Variants in PCDH9 observed in about 807,000 individuals in gnomAD.
The protein encoded by PCDH9 is protocadherin-9.
Under a neutral mutation model 70.6 loss-of-function variants are expected in PCDH9, and 24 were observed. The ratio of observed to expected loss-of-function variants is 0.34; its 90% CI spans 0.25 to 0.48. The LOEUF (loss-of-function observed/expected upper bound fraction) is 0.48, where lower values mean the gene tolerates loss of function less well. PCDH9 is among the 20% of genes least tolerant of loss of function. The pLI, the probability that PCDH9 is intolerant of heterozygous loss-of-function variation, is 0.99. For synonymous variants in PCDH9, 562 were observed against 558.5 expected (o/e 1.01, Z -0.09); for missense variants, 1,281 against 1,503.6 (o/e 0.85, Z 2.45).
chr13:67,154,595 A>AC (rs1206022574), intron 2 of PCDH9, among the ~76,000 whole-genome samples: 2 of 88,990 alleles, frequency 2.2e-5, no homozygotes, highest in South Asian at 3.6e-4. Flanking sequence ...AAAAAAAAAA[A>AC]ATATATATAT....
chr13:66,720,857 A>G lies in PCDH9; in HGVS notation c.3139-89446T>C, dbSNP rs138906342. Among the ~76,000 whole-genome samples the G allele has an allele frequency of 3.0e-3, 460 of 152,288 alleles. 2 individuals carry two copies. Among genetic ancestry groups the G allele is most frequent in the African/African-American group, 0.01 (435 of 41,552 alleles). ...TAAAGAATATAATAGGAACTTGATA[A>G]TTGTATAGTCTGGGTCCAAAAATCC... On this transcript the variant is annotated intron_variant, in intron 3 of 4. Coordinates refer to ENST00000377865, the MANE Select transcript of PCDH9 (RefSeq NM_203487.3).
chr13:66,375,744 G>A (rs977472283), intron 4 of PCDH9, among the ~76,000 whole-genome samples: 4 of 151,996 alleles, frequency 2.6e-5, no homozygotes, highest in Admixed American at 2.0e-4. Flanking sequence ...CTGAATAAGT[G>A]TATTACTTTA....
At chr13:67,135,934 G>C (rs1337723486) in intron 2 of PCDH9, among the ~76,000 whole-genome samples, 3 of 151,912 alleles carry the variant, frequency 2.0e-5, no homozygotes, top group African/African-American at 4.8e-5. Flanking sequence ...AAGCAAGAAA[G>C]GGTCTCTCTG....
At chr13:67,220,345 C>T (rs1490164703) in intron 2 of PCDH9, 1 of 151,740 alleles carries the variant, frequency 6.6e-6, no homozygotes, top group Non-Finnish European at 1.5e-5. Context: ...TTACACACAT[C>T]AATATGAAAA....
At chr13:66,861,343 C>T (rs2081481161) in intron 3 of PCDH9, among the ~76,000 whole-genome samples, 1 of 152,156 alleles carries the variant, frequency 6.6e-6, no homozygotes, top group African/African-American at 2.4e-5. Context: ...ATTGCAGTGT[C>T]TAAGGAACAA....
intron 4 of PCDH9, among the ~76,000 whole-genome samples, chr13:66,426,758 G>T (rs1305701174): frequency 1.3e-5 from 2 of 151,496 alleles, no homozygotes; most frequent in Non-Finnish European, 3.0e-5. Context: ...AAGGAAACAT[G>T]CATCCTTTAC....
intron 4 of PCDH9, among the ~76,000 whole-genome samples, chr13:66,435,399 C>G (rs992651856): frequency 1.3e-5 from 2 of 151,982 alleles, no homozygotes; most frequent in Non-Finnish European, 2.9e-5. Flanking sequence ...TGGAGACTAC[C>G]AGGGTTTTAT....
chr13:66,868,011 ATAT>A (rs1000407187), intron 3 of PCDH9, among the ~76,000 whole-genome samples: 3 of 152,002 alleles, frequency 2.0e-5, no homozygotes, highest in Non-Finnish European at 4.4e-5. Context: ...GCTGAAATGT[ATAT>A]TATTTAAATA....
At chr13:66,402,128 A>T (rs1957199033) in intron 4 of PCDH9, among the ~76,000 whole-genome samples, 2 of 152,060 alleles carry the variant, frequency 1.3e-5, no homozygotes, top group Admixed American at 6.6e-5. Flanking sequence ...TTTCTCACAG[A>T]TGGCTTTCTG....
At chr13:66,898,862 G>A (rs1046694700) in intron 3 of PCDH9, among the ~76,000 whole-genome samples, 5 of 151,872 alleles carry the variant, frequency 3.3e-5, no homozygotes, top group African/African-American at 4.8e-5. Context: ...ACTGAGCCCC[G>A]TTGTACTCTA....
At chr13:66,416,861 T>A (rs1957469385) in intron 4 of PCDH9, among the ~76,000 whole-genome samples, 2 of 152,044 alleles carry the variant, frequency 1.3e-5, no homozygotes, top group Non-Finnish European at 2.9e-5. Flanking sequence ...AGGAGACACA[T>A]CCTGAGAAAA....
chr13:66,380,465 T>C (rs1025167944), intron 4 of PCDH9, among the ~76,000 whole-genome samples: 3 of 151,096 alleles, frequency 2.0e-5, no homozygotes, highest in Admixed American at 1.3e-4. Flanking sequence ...CCATGGTGAA[T>C]TGACATTGTA....
At position 67,073,140 on chromosome 13, in the gene PCDH9, T is replaced by C. The variant is rs144076359; in HGVS notation, c.3036+152265A>G. 5.9e-3 allele frequency among the ~76,000 whole-genome samples: 898 copies of C among 152,236 alleles called. 18 individuals are homozygous for C. The highest frequency in any genetic ancestry group is 0.021 in the African/African-American group (869 of 41,566). On this transcript the variant is annotated intron_variant, in intron 2 of 4. Coordinates refer to ENST00000377865, the MANE Select transcript of PCDH9 (RefSeq NM_203487.3). ...AAAATTGCAGGTTACGTGGTATATATGTCCAAATAGTCTCAGGTGGAGCCT... is the reference window on the plus strand; with the variant it reads ...AAAATTGCAGGTTACGTGGTATATACGTCCAAATAGTCTCAGGTGGAGCCT...
Position 66,444,521 on chromosome 13 carries a change from G to A in PCDH9, c.3341-139493C>T, listed in dbSNP as rs540058826. Among the ~76,000 whole-genome samples, 7 of 151,962 alleles carry A rather than the reference G, an allele frequency of 4.6e-5. No individual in the cohort carries two copies. In the East Asian group the frequency reaches 1.2e-3, roughly 25 times the overall value. Reference sequence around the variant, plus strand: ...TTTTTCCTGCAAAGAGCATTAGAGAGGAGATATTTTAATGTTTTTATTTAT... The same window carrying A: ...TTTTTCCTGCAAAGAGCATTAGAGAAGAGATATTTTAATGTTTTTATTTAT... On this transcript the variant is annotated intron_variant, in intron 4 of 4. Transcript: ENST00000377865.
intron 2 of PCDH9, among the ~76,000 whole-genome samples, chr13:67,196,868 T>C (rs2089078778): frequency 6.6e-6 from 1 of 152,022 alleles, no homozygotes; most frequent in Non-Finnish European, 1.5e-5. Flanking sequence ...AAATAAAATG[T>C]GCACATTTTC....
chr13:66,545,670 T>C (rs1961154154), intron 4 of PCDH9, among the ~76,000 whole-genome samples: 1 of 152,174 alleles, frequency 6.6e-6, no homozygotes, highest in Non-Finnish European at 1.5e-5. Context: ...TGTGATGATG[T>C]TGGCGTAAAC....
At position 67,226,541 on chromosome 13, in the gene PCDH9, C is replaced by A; in HGVS notation, c.1900G>T (p.Asp634Tyr). The A allele has an allele frequency of 6.2e-7, 1 of 1,614,016 alleles. No individual in the cohort carries two copies. Among genetic ancestry groups the A allele is most frequent in the South Asian group, 1.1e-5 (1 of 91,046 alleles). Reference protein sequence around the residue: ...SGVIKSNVSFDREQQSSYTFD... With the variant: ...SGVIKSNVSFYREQQSSYTFD... The stretch of plus-strand genomic sequence containing the variant: ...GTGTAGGAACTCTGCTGCTCTCTAT[C>A]AAATGAGACATTTGACTTTATGACT... Residue 634 changes from aspartate (D) to tyrosine (Y), a missense_variant, in exon 2 of 5, where the codon GAT becomes TAT. Transcript: ENST00000377865. The surrounding 1 kb of genome is among the most constrained non-coding windows in gnomAD (Gnocchi z 5.0).
intron 4 of PCDH9, among the ~76,000 whole-genome samples, chr13:66,554,491 TG>T (rs1448573354): frequency 6.6e-6 from 1 of 152,146 alleles, no homozygotes; most frequent in Non-Finnish European, 1.5e-5. Context: ...AGATATTAAA[TG>T]GATAGCTAGA....
chr13:66,304,785 C>T lies in PCDH9; in HGVS notation c.3584G>A (p.Arg1195His), dbSNP rs199877381. The stretch of plus-strand genomic sequence containing the variant: ...GCCTTCATTGGAGCCATACTGCTTA[C>T]GGTCATTGAACTGGTTCCTGTTGCT... ...EDSNRNQFND[R>H]KQYGSNEGHF... is the part of the protein sequence containing the mutation. Residue 1195 changes from arginine (R) to histidine (H), a missense_variant, in exon 5 of 5, where the codon CGT (arginine) becomes CAT (histidine). By Grantham distance (29) the Arg-to-His change is conservative (BLOSUM62 0). Transcript: ENST00000377865. 2.9e-5 allele frequency: 46 copies of T among 1,613,514 alleles called. No individual in the cohort carries two copies. The highest frequency in any genetic ancestry group is 1.4e-4 in the South Asian group (13 of 91,076).
Sources: allele counts gnomAD v4.1 joint callset (sites outside exome capture counted in the v4.1 genomes callset), GRCh38; gene constraint gnomAD v4.1.1; non-coding constraint Gnocchi (gnomAD v3.1); transcripts MANE v1.5; gene names NCBI Gene and HGNC (gene_info 2026-07-23, HGNC 2026-07-21).